The following AHCY variants were observed in gnomAD, a reference collection of about 807,000 sequenced individuals.
AHCY encodes the protein S-adenosyl-L-homocysteine hydrolase.
In AHCY, 24 loss-of-function variants were observed where a neutral mutation model predicts 45.4. The observed-to-expected ratio is 0.53, with a 90% CI of 0.38 to 0.74. AHCY has a LOEUF of 0.74. Among genes scored for constraint, AHCY ranks in the 30% least tolerant of loss-of-function variants. AHCY has a pLI of 0.00. For synonymous variants in AHCY, 245 were observed against 235.1 expected (o/e 1.04, Z -0.39); for missense variants, 449 against 594.1 (o/e 0.76, Z 2.54).
At chr20:34,298,177 G>A (rs958385552) in intron 1 of AHCY, among the ~76,000 whole-genome samples, 15 of 151,880 alleles carry the variant, frequency 9.9e-5, no homozygotes, top group African/African-American at 1.7e-4. Flanking sequence ...TCCTGTGGGC[G>A]GCAAGCCACC....
At chr20:34,303,377 C>G (rs886056637), upstream of AHCY, 16 of 1,472,142 alleles carry the variant, frequency 1.1e-5, no homozygotes, top group African/African-American at 2.0e-4. Flanking sequence ...GCGCCGACGC[C>G]TTTAAATATC....
chr20:34,235,401 T>C, the AHCY span, among the ~76,000 whole-genome samples: 1 of 151,712 alleles, frequency 6.6e-6, no homozygotes, highest in Non-Finnish European at 1.5e-5. Context: ...GATCATGCCA[T>C]TGCACTCCAG....
intron 1 of AHCY, among the ~76,000 whole-genome samples, chr20:34,302,174 T>C (rs1457270832): frequency 6.6e-6 from 1 of 152,090 alleles, no homozygotes; most frequent in Non-Finnish European, 1.5e-5. Context: ...CTAGTTTTTG[T>C]ATTTTTGGTA....
At chr20:34,307,661 C>T (rs1262510941), upstream of AHCY, among the ~76,000 whole-genome samples, 5 of 152,344 alleles carry the variant, frequency 3.3e-5, no homozygotes, top group Middle Eastern at 3.4e-3. Flanking sequence ...CGTGAGCCAC[C>T]GTGCCCAGCC....
the AHCY span, among the ~76,000 whole-genome samples, chr20:34,251,014 T>C: frequency 6.6e-6 from 1 of 152,170 alleles, no homozygotes; most frequent in African/African-American, 2.4e-5. Context: ...AGCATACATG[T>C]GTGCACGCAC....
chr20:34,307,615 G>A (rs764499059), upstream of AHCY, among the ~76,000 whole-genome samples: 8 of 152,080 alleles, frequency 5.3e-5, no homozygotes, highest in African/African-American at 9.7e-5. Flanking sequence ...CGGGTGATCC[G>A]CCCGCCCTGG....
intron 8 of AHCY, among the ~76,000 whole-genome samples, chr20:34,287,315 G>A (rs1249507549): frequency 1.3e-5 from 2 of 152,020 alleles, no homozygotes; most frequent in Non-Finnish European, 2.9e-5. Context: ...CTAGGGGTCT[G>A]TACTAAGAGT....
At chr20:34,272,656 G>T in the AHCY span, among the ~76,000 whole-genome samples, 1 of 152,188 alleles carries the variant, frequency 6.6e-6, no homozygotes, top group South Asian at 2.1e-4. Flanking sequence ...GGAAGCCAAG[G>T]TGGGAGGATC....
rs775943301 is a variant in AHCY, at chr20:34,290,418, C to T, written c.886G>A (p.Val296Met). ...ACGTCAAAGTGTCCAATGTTACACACAATGGCATCATCCTTCATCTGCTCA... is the reference window on the plus strand; with the variant it reads ...ACGTCAAAGTGTCCAATGTTACACATAATGGCATCATCCTTCATCTGCTCA... ...HFEQMKDDAIVCNIGHFDVEI... is the reference protein window; with the variant it reads ...HFEQMKDDAIMCNIGHFDVEI... Residue 296 changes from valine (V) to methionine (M), a missense_variant, in exon 8 of 10, where the codon GTG (valine) becomes ATG (methionine). By Grantham distance (21) the Val-to-Met change is conservative. Coordinates refer to ENST00000217426, the MANE Select transcript of AHCY (RefSeq NM_000687.4). The surrounding 1 kb of genome is among the most constrained non-coding windows in gnomAD (Gnocchi z 4.5). 4 of 1,614,256 alleles carry T rather than the reference C, an allele frequency of 2.5e-6. No individual in the cohort carries two copies. Among genetic ancestry groups the T allele is most frequent in the Non-Finnish European group, 3.4e-6 (4 of 1,180,054 alleles).
chr20:34,234,964 C>T, the AHCY span: 1 of 151,778 alleles, frequency 6.6e-6, no homozygotes, highest in Non-Finnish European at 1.5e-5. Flanking sequence ...TTTTTTTCAT[C>T]ATAGCTCCTA....
chr20:34,269,032 C>A, the AHCY span: 11,613 of 1,607,478 alleles, frequency 7.2e-3, 66 homozygotes, highest in Admixed American at 9.6e-3. Flanking sequence ...CCCGGACCCC[C>A]CTATCTGCGC....
chr20:34,291,088 C>CA, intron 5 of AHCY, 150 bp from the exon 6 acceptor site: 2 of 734,690 alleles, frequency 2.7e-6, no homozygotes, highest in South Asian at 1.8e-5. Context: ...CCAATGCCCC[C>CA]ACAAGCCCTT....
upstream of AHCY, among the ~76,000 whole-genome samples, chr20:34,305,669 A>G (rs950082065): frequency 6.6e-6 from 1 of 152,244 alleles, no homozygotes; most frequent in East Asian, 1.9e-4. Context: ...CCAGCACAGC[A>G]AACAAGTAGA....
At chr20:34,245,758 A>C in the AHCY span, among the ~76,000 whole-genome samples, 1 of 151,852 alleles carries the variant, frequency 6.6e-6, no homozygotes, top group Non-Finnish European at 1.5e-5. Flanking sequence ...TGTTTATTTG[A>C]CTTTGGCAAT....
chr20:34,303,376 C>T, upstream of AHCY: 1 of 1,484,016 alleles, frequency 6.7e-7, no homozygotes, highest in Non-Finnish European at 9.2e-7. Context: ...GGCGCCGACG[C>T]CTTTAAATAT....
chr20:34,269,043 C>T, the AHCY span: 1 of 1,605,420 alleles, frequency 6.2e-7, no homozygotes, highest in Non-Finnish European at 8.5e-7. Context: ...CTATCTGCGC[C>T]CTGCGTGGCC....
chr20:34,282,709 C>T (rs1369142879), intron 9 of AHCY, among the ~76,000 whole-genome samples: 1 of 152,110 alleles, frequency 6.6e-6, no homozygotes, highest in African/African-American at 2.4e-5. Context: ...GGCTTCAAAG[C>T]CCCAAAATGT....
the AHCY span, among the ~76,000 whole-genome samples, chr20:34,248,988 G>A: frequency 6.6e-6 from 1 of 151,590 alleles, no homozygotes; most frequent in Non-Finnish European, 1.5e-5. Context: ...AATTAGCCAG[G>A]TGTGGTGGCA....
chr20:34,285,936 TAA>T, intron 8 of AHCY: 3 of 320,346 alleles, frequency 9.4e-6, no homozygotes. Flanking sequence ...CCGTCTCTAC[TAA>T]AAAAAAAATA....
Sources: allele counts gnomAD v4.1 joint callset (sites outside exome capture counted in the v4.1 genomes callset), GRCh38; gene constraint gnomAD v4.1.1; non-coding constraint Gnocchi (gnomAD v3.1); transcripts MANE v1.5; gene names NCBI Gene and HGNC (gene_info 2026-07-23, HGNC 2026-07-21).